Variants in RGS20 observed in about 807,000 individuals in gnomAD.
The protein encoded by RGS20 is regulator of G protein signaling 20, also known as gz-selective GTPase-activating protein.
RGS20 carries 30 observed loss-of-function variants against 33.6 expected under a neutral mutation model. That is an observed-to-expected ratio of 0.89 (90% CI 0.67 to 1.21). The LOEUF (loss-of-function observed/expected upper bound fraction) is 1.21. Among genes scored for constraint, RGS20 ranks in the 50% most tolerant of loss-of-function variants. The pLI is 0.00. For missense variants in RGS20, 472 were observed against 502.4 expected (o/e 0.94, Z 0.58); for synonymous variants, 208 against 197.9 (o/e 1.05, Z -0.43).
At chr8:53,884,871 A>G (rs965109083) in intron 2 of RGS20, among the ~76,000 whole-genome samples, 2 of 152,212 alleles carry the variant, frequency 1.3e-5, no homozygotes, top group African/African-American at 4.8e-5. Context: ...GACTCGCCTC[A>G]GGTAAGGTAA....
intron 4 of RGS20, 101 bp downstream of exon 3, chr8:53,946,849 A>C: frequency 1.1e-6 from 1 of 931,060 alleles, no homozygotes; most frequent in Non-Finnish European, 1.6e-6. Context: ...ACTTTCTCTA[A>C]CTGTAATTTA....
At chr8:53,947,134 CTA>C (rs1165000281) in intron 4 of RGS20, among the ~76,000 whole-genome samples, 15 of 142,652 alleles carry the variant, frequency 1.1e-4, no homozygotes, top group South Asian at 2.2e-4. Context: ...CTTATATATG[CTA>C]TATATATGAT....
chr8:53,875,450 AC>A (rs1269480083), intron 1 of RGS20, among the ~76,000 whole-genome samples: 160 of 145,538 alleles, frequency 1.1e-3, no homozygotes, highest in African/African-American at 3.5e-3. Flanking sequence ...AAAAAAAAAA[AC>A]CAAAAAAACC....
intron 5 of RGS20, among the ~76,000 whole-genome samples, chr8:53,954,689 CT>C (rs139245547): frequency 0.33 from 42,743 of 130,944 alleles, 6,963 homozygotes; most frequent in Middle Eastern, 0.44. Flanking sequence ...AAGTAATTGC[CT>C]TTTTTTTTTT....
intron 1 of RGS20, among the ~76,000 whole-genome samples, chr8:53,870,699 C>T (rs1237947979): frequency 1.3e-5 from 2 of 152,096 alleles, no homozygotes; most frequent in Non-Finnish European, 2.9e-5. Context: ...TTGGCTGTGT[C>T]GGTGGCTTTG....
At chr8:53,947,659 GC>G (rs1289414049) in intron 4 of RGS20, among the ~76,000 whole-genome samples, 9 of 84,734 alleles carry the variant, frequency 1.1e-4, no homozygotes, top group African/African-American at 3.9e-4. Context: ...ATTTATATAT[GC>G]TATATATAGG....
chr8:53,903,383 T>C (rs149322003), intron 2 of RGS20, among the ~76,000 whole-genome samples: 219 of 152,332 alleles, frequency 1.4e-3, no homozygotes, highest in African/African-American at 5.0e-3. Flanking sequence ...AGAAAAATGT[T>C]GTCAACTTTG....
chr8:53,854,266 G>A (rs1811627525), intron 1 of RGS20, among the ~76,000 whole-genome samples: 1 of 151,986 alleles, frequency 6.6e-6, no homozygotes, highest in African/African-American at 2.4e-5. Flanking sequence ...CTTTTGTCCT[G>A]CCAAAGACTC....
chr8:53,905,299 C>T (rs1813133946), intron 2 of RGS20, among the ~76,000 whole-genome samples: 1 of 152,206 alleles, frequency 6.6e-6, no homozygotes, highest in Non-Finnish European at 1.5e-5. Context: ...ATAGATTTGC[C>T]TGGAAGCAAA....
intron 2 of RGS20, among the ~76,000 whole-genome samples, chr8:53,904,480 CTGT>C (rs1348173266): frequency 2.0e-5 from 3 of 152,130 alleles, no homozygotes; most frequent in African/African-American, 7.2e-5. Context: ...AGTGATTTGG[CTGT>C]TTTTTTCTAT....
chr8:53,876,270 T>C (rs1404368944), intron 1 of RGS20: 1 of 152,204 alleles, frequency 6.6e-6, no homozygotes, highest in East Asian at 1.9e-4. Context: ...ATGAAAACCT[T>C]CCATTTGAAA....
chr8:53,931,593 A>AC (rs1813962335), intron 2 of RGS20, among the ~76,000 whole-genome samples: 1 of 146,800 alleles, frequency 6.8e-6, no homozygotes, highest in Admixed American at 6.8e-5. Flanking sequence ...AACAACAACA[A>AC]ACAACCTGTG....
At chr8:53,888,157 C>A (rs949524663) in intron 2 of RGS20, among the ~76,000 whole-genome samples, 4 of 152,070 alleles carry the variant, frequency 2.6e-5, no homozygotes, top group Admixed American at 2.0e-4. Flanking sequence ...ATAGATATTT[C>A]TTTGCATTTA....
At chr8:53,859,365 C>G (rs560887935) in intron 1 of RGS20, among the ~76,000 whole-genome samples, 1 of 152,214 alleles carries the variant, frequency 6.6e-6, no homozygotes, top group South Asian at 2.1e-4. Flanking sequence ...TGCAAAAATC[C>G]TGGCTAGCTT....
chr8:53,920,027 C>G (rs1011361856), intron 2 of RGS20, among the ~76,000 whole-genome samples: 4 of 152,026 alleles, frequency 2.6e-5, no homozygotes, highest in African/African-American at 9.7e-5. Flanking sequence ...GCGCACACCA[C>G]CATGCCTAGC....
chr8:53,889,723 CTGTGTGTGTGTGTGTGTG>C (rs66766851), intron 2 of RGS20, among the ~76,000 whole-genome samples: 3 of 146,108 alleles, frequency 2.1e-5, no homozygotes, highest in African/African-American at 7.5e-5. Context: ...TGTCAAAATT[CTGTGTGTGTGTGTGTGTG>C]TGTGTGTGTG....
At chr8:53,929,478 C>CA (rs1363090135) in intron 2 of RGS20, among the ~76,000 whole-genome samples, 1 of 151,988 alleles carries the variant, frequency 6.6e-6, no homozygotes, top group African/African-American at 2.4e-5. Flanking sequence ...GTCAGGAGTT[C>CA]AAAATCAGCC....
intron 1 of RGS20, among the ~76,000 whole-genome samples, chr8:53,871,863 C>G (rs1475168498): frequency 6.6e-6 from 1 of 152,036 alleles, no homozygotes; most frequent in African/African-American, 2.4e-5. Context: ...TCTAGGGATC[C>G]TATCCAATTC....
chr8:53,938,933 T>C (rs923087816), intron 2 of RGS20, among the ~76,000 whole-genome samples: 2 of 152,270 alleles, frequency 1.3e-5, no homozygotes, highest in African/African-American at 4.8e-5. Flanking sequence ...CAGGCCACAG[T>C]CTGGCTCTCC....
Sources: gnomAD v4.1 joint callset for allele counts (sites outside exome capture counted in the v4.1 genomes callset) on GRCh38, gnomAD v4.1.1 for gene constraint, MANE v1.5 for transcripts, NCBI Gene and HGNC (gene_info 2026-07-23, HGNC 2026-07-21) for gene names.